TPTE: variants seen among roughly 807,000 people sequenced by gnomAD.
TPTE encodes the protein putative tyrosine-protein phosphatase TPTE.
In TPTE, 59 loss-of-function variants were observed where a neutral mutation model predicts 84.1. The ratio of observed to expected loss-of-function variants is 0.70; its 90% CI spans 0.57 to 0.87. TPTE has a LOEUF of 0.87. TPTE is among the 40% of genes least tolerant of loss of function. The pLI is 0.00. For missense variants in TPTE, 382 were observed against 659.6 expected (o/e 0.58, Z 4.61); for synonymous variants, 130 against 223.5 (o/e 0.58, Z 3.73).
At chr21:10,539,533 GCTGT>G (rs2074328590) in intron 4 of TPTE, among the ~76,000 whole-genome samples, 1 of 152,306 alleles carries the variant, frequency 6.6e-6, no homozygotes, top group African/African-American at 2.4e-5. Context: ...CCCACAAAAG[GCTGT>G]CTGTCGTGCA....
At chr21:10,544,096 C>G (rs1334605654) in intron 7 of TPTE, among the ~76,000 whole-genome samples, 2 of 152,308 alleles carry the variant, frequency 1.3e-5, no homozygotes, top group Admixed American at 6.5e-5. Context: ...GTGAAAACCT[C>G]TCCTGGAAAT....
chr21:10,541,209 C>T (rs1336220087), intron 5 of TPTE, 44 bp downstream of exon 5: 16 of 1,609,260 alleles, frequency 9.9e-6, no homozygotes, highest in Non-Finnish European at 1.4e-5. Context: ...CAATGGTTCA[C>T]ACCTGTAATC....
intron 8 of TPTE, among the ~76,000 whole-genome samples, chr21:10,554,614 T>C (rs554906192): frequency 1.5e-3 from 221 of 152,328 alleles, no homozygotes; most frequent in African/African-American, 5.0e-3. Context: ...TCCCAGGTTG[T>C]CTTGCTTTTC....
chr21:10,563,552 T>C (rs1481108458), intron 10 of TPTE, among the ~76,000 whole-genome samples: 2 of 152,424 alleles, frequency 1.3e-5, no homozygotes, highest in Non-Finnish European at 2.9e-5. Flanking sequence ...TTTTTACTTG[T>C]TTATGAAAAC....
chr21:10,533,655 A>G (rs561787675), intron 3 of TPTE, among the ~76,000 whole-genome samples: 1 of 152,430 alleles, frequency 6.6e-6, no homozygotes, highest in South Asian at 2.1e-4. Flanking sequence ...GGAATTATAT[A>G]GTCAGTCTCA....
chr21:10,555,425 C>T (rs2074662388), intron 8 of TPTE, among the ~76,000 whole-genome samples: 1 of 152,306 alleles, frequency 6.6e-6, no homozygotes, highest in African/African-American at 2.4e-5. Flanking sequence ...CCAGGATGGT[C>T]TCGATCTCTT....
At chr21:10,550,576 A>G (rs1480278293) in intron 7 of TPTE, among the ~76,000 whole-genome samples, 2 of 152,312 alleles carry the variant, frequency 1.3e-5, no homozygotes, top group East Asian at 3.8e-4. Flanking sequence ...GCACTCAAAC[A>G]CCAGAGCACC....
intron 13 of TPTE, 69 bp from the exon 14 acceptor site, chr21:10,570,412 TATAA>T: frequency 6.2e-7 from 1 of 1,610,016 alleles, no homozygotes; most frequent in Non-Finnish European, 8.5e-7. Context: ...TCTGATCATG[TATAA>T]ATTAATTTTT....
At chr21:10,587,126 AAT>A (rs1428230448) in intron 17 of TPTE, among the ~76,000 whole-genome samples, 1 of 152,312 alleles carries the variant, frequency 6.6e-6, no homozygotes, top group Non-Finnish European at 1.5e-5. Context: ...AAATTGCATT[AAT>A]ATAGATTTCT....
At chr21:10,522,618 G>A (rs1365902198) in intron 1 of TPTE, among the ~76,000 whole-genome samples, 1 of 152,306 alleles carries the variant, frequency 6.6e-6, no homozygotes, top group Non-Finnish European at 1.5e-5. Context: ...TTTTTCATTT[G>A]CTTATTTGCC....
At chr21:10,573,762 G>T (rs1243988589) in intron 14 of TPTE, among the ~76,000 whole-genome samples, 1 of 152,306 alleles carries the variant, frequency 6.6e-6, no homozygotes, top group Non-Finnish European at 1.5e-5. Context: ...TGAAAGGAAA[G>T]AAAATTACCT....
intron 17 of TPTE, among the ~76,000 whole-genome samples, chr21:10,589,516 A>T (rs2075426032): frequency 6.6e-6 from 1 of 152,312 alleles, no homozygotes; most frequent in Admixed American, 6.5e-5. Context: ...GTGCAGCCAG[A>T]TAGGGAAGAT....
intron 3 of TPTE, among the ~76,000 whole-genome samples, chr21:10,535,418 C>T (rs1023774881): frequency 6.6e-6 from 1 of 152,304 alleles, no homozygotes; most frequent in African/African-American, 2.4e-5. Flanking sequence ...CACTGTCAGG[C>T]ATATCCTTGG....
At chr21:10,553,522 G>A (rs963501613) in intron 8 of TPTE, among the ~76,000 whole-genome samples, 1 of 152,312 alleles carries the variant, frequency 6.6e-6, no homozygotes, top group Non-Finnish European at 1.5e-5. Context: ...CTGTAATGGA[G>A]CTGCCCAGGG....
intron 14 of TPTE, among the ~76,000 whole-genome samples, chr21:10,576,838 CATATATATATAT>C (rs56285862): frequency 0.022 from 2,985 of 136,074 alleles, no homozygotes; most frequent in African/African-American, 0.025. Context: ...TACATATATA[CATATATATATAT>C]ATATATATAT....
chr21:10,576,112 A>C, intron 14 of TPTE, among the ~76,000 whole-genome samples: 1 of 152,312 alleles, frequency 6.6e-6, no homozygotes, highest in Non-Finnish European at 1.5e-5. Flanking sequence ...TGTCTTATAA[A>C]AATACATGCA....
At chr21:10,589,596 C>A (rs2075428214) in intron 17 of TPTE, among the ~76,000 whole-genome samples, 1 of 152,312 alleles carries the variant, frequency 6.6e-6, no homozygotes. Context: ...GTGTCTTTCC[C>A]CCACAAAGTC....
intron 5 of TPTE, among the ~76,000 whole-genome samples, chr21:10,541,996 A>G (rs1336557007): frequency 6.6e-6 from 1 of 152,306 alleles, no homozygotes; most frequent in African/African-American, 2.4e-5. Flanking sequence ...TTTGTGGGAC[A>G]TGAGAAACCA....
At chr21:10,566,582 T>A (rs545919933) in intron 10 of TPTE, among the ~76,000 whole-genome samples, 8 of 152,304 alleles carry the variant, frequency 5.3e-5, no homozygotes, top group African/African-American at 1.9e-4. Context: ...CTGTTCATAA[T>A]GGCTAAGATT....
Sources: allele counts gnomAD v4.1 joint callset (sites outside exome capture counted in the v4.1 genomes callset), GRCh38; gene constraint gnomAD v4.1.1; transcripts MANE v1.5; gene names NCBI Gene and HGNC (gene_info 2026-07-23, HGNC 2026-07-21).